The following STARD13 variants were observed in gnomAD, a reference collection of about 807,000 sequenced individuals.
The protein encoded by STARD13 is stAR-related lipid transfer protein 13.
A neutral mutation model predicts 106.4 loss-of-function variants in STARD13; 62 were observed. The observed-to-expected ratio is 0.58, with a 90% confidence interval of 0.48 to 0.72. The LOEUF is 0.72. Among genes scored for constraint, STARD13 ranks in the 30% least tolerant of loss-of-function variants. The pLI, the probability that STARD13 is intolerant of heterozygous loss-of-function variation, is 0.00. For missense variants in STARD13, 1,387 were observed against 1,424.0 expected (o/e 0.97, Z 0.42); for synonymous variants, 565 against 553.0 (o/e 1.02, Z -0.31).
chr13:33,542,040 C>T, the STARD13 span, among the ~76,000 whole-genome samples: 10 of 143,078 alleles, frequency 7.0e-5, no homozygotes, highest in African/African-American at 5.6e-5. Context: ...AACTGTGTAT[C>T]GACAAAAATT....
At chr13:33,290,321 T>C (rs1003113755), upstream of STARD13, among the ~76,000 whole-genome samples, 2 of 152,336 alleles carry the variant, frequency 1.3e-5, no homozygotes, top group African/African-American at 4.8e-5. Context: ...CTTTCGAAAT[T>C]ACATGAACCC....
At chr13:33,288,385 C>T (rs1012816837), upstream of STARD13, among the ~76,000 whole-genome samples, 1 of 151,942 alleles carries the variant, frequency 6.6e-6, no homozygotes, top group East Asian at 1.9e-4. Flanking sequence ...ATTCTCTTGC[C>T]TCAGCCTCCC....
At chr13:33,416,857 G>A in the STARD13 span, among the ~76,000 whole-genome samples, 1 of 152,090 alleles carries the variant, frequency 6.6e-6, no homozygotes. Flanking sequence ...TGGAATTTAT[G>A]AACAGTTAAA....
the STARD13 span, among the ~76,000 whole-genome samples, chr13:33,478,037 C>T: frequency 2.6e-5 from 4 of 152,206 alleles, no homozygotes; most frequent in Admixed American, 6.5e-5. Flanking sequence ...GTTTTCCTAA[C>T]TGACCACCTG....
At chr13:33,345,410 C>T (rs2078007078), downstream of STARD13, among the ~76,000 whole-genome samples, 1 of 152,164 alleles carries the variant, frequency 6.6e-6, no homozygotes, top group Admixed American at 6.5e-5. Context: ...GTCCACAGGT[C>T]TCCACAAAGT....
the STARD13 span, among the ~76,000 whole-genome samples, chr13:33,673,251 A>G: frequency 6.6e-6 from 1 of 152,156 alleles, no homozygotes; most frequent in Non-Finnish European, 1.5e-5. Context: ...AGGTTTCCCA[A>G]TATTATTTCC....
chr13:33,163,187 G>T (rs1414109232), intron 3 of STARD13, among the ~76,000 whole-genome samples: 2 of 152,124 alleles, frequency 1.3e-5, no homozygotes, highest in Non-Finnish European at 2.9e-5. Flanking sequence ...CCGCCCTCAT[G>T]ATTCAAATTA....
chr13:33,167,881 T>C (rs2296390), intron 1 of STARD13, among the ~76,000 whole-genome samples: 25,288 of 151,934 alleles, frequency 0.17, 2,828 homozygotes, highest in East Asian at 0.31. Flanking sequence ...CCACAGATCA[T>C]AGAAGACAAA....
the STARD13 span, among the ~76,000 whole-genome samples, chr13:33,666,357 G>A: frequency 2.0e-5 from 3 of 152,098 alleles, no homozygotes; most frequent in Admixed American, 6.5e-5. Context: ...GCGGTGGCAC[G>A]ATCTCGGCTC....
chr13:33,142,406 C>T (rs980242760), intron 3 of STARD13, 33 bp from the exon 4 acceptor site: 18 of 1,566,306 alleles, frequency 1.1e-5, no homozygotes, highest in Non-Finnish European at 1.6e-5. Flanking sequence ...TGATTACTTT[C>T]ACTAATGAAT....
At chr13:33,514,938 G>A in the STARD13 span, among the ~76,000 whole-genome samples, 1 of 152,082 alleles carries the variant, frequency 6.6e-6, no homozygotes, top group Non-Finnish European at 1.5e-5. Flanking sequence ...TAGATGGAGT[G>A]TGAATAAATG....
chr13:33,675,840 A>T, the STARD13 span, among the ~76,000 whole-genome samples: 2 of 152,180 alleles, frequency 1.3e-5, no homozygotes, highest in South Asian at 4.1e-4. Flanking sequence ...TGAGAGAGAA[A>T]TATTATACAG....
At chr13:33,512,174 G>A in the STARD13 span, among the ~76,000 whole-genome samples, 8 of 152,258 alleles carry the variant, frequency 5.3e-5, no homozygotes, top group South Asian at 1.2e-3. Flanking sequence ...ACAAAATCTT[G>A]TAAATAAAGG....
intron 1 of STARD13, among the ~76,000 whole-genome samples, chr13:33,324,122 T>G (rs1036031234): frequency 2.0e-5 from 3 of 152,234 alleles, no homozygotes; most frequent in African/African-American, 7.2e-5. Flanking sequence ...ACATATAAAT[T>G]TAGCACTCTA....
At chr13:33,234,031 G>A (rs1889063846) in intron 1 of STARD13, among the ~76,000 whole-genome samples, 1 of 152,230 alleles carries the variant, frequency 6.6e-6, no homozygotes, top group Non-Finnish European at 1.5e-5. Context: ...CACTGTCCCA[G>A]GCACTGTGGA....
chr13:33,286,615 AG>A (rs1166547696), upstream of STARD13, among the ~76,000 whole-genome samples: 1 of 152,224 alleles, frequency 6.6e-6, no homozygotes, highest in Non-Finnish European at 1.5e-5. Context: ...TGTCTCAAAA[AG>A]GACGCAAACA....
chr13:33,338,498 T>C (rs892065782), intron 1 of STARD13, among the ~76,000 whole-genome samples: 25 of 152,120 alleles, frequency 1.6e-4, no homozygotes, highest in Non-Finnish European at 7.3e-5. Context: ...GTTAGTATAA[T>C]GAAAGATTCA....
At chr13:33,190,588 C>CT (rs71196510) in intron 1 of STARD13, among the ~76,000 whole-genome samples, 2,712 of 131,156 alleles carry the variant, frequency 0.021, 30 homozygotes, top group African/African-American at 0.027. Context: ...CTTTTCTTTT[C>CT]TTTTTTTTTT....
chr13:33,468,024 T>C, the STARD13 span, among the ~76,000 whole-genome samples: 1 of 152,174 alleles, frequency 6.6e-6, no homozygotes. Context: ...TTTTAGCAAT[T>C]GCATTTAGTC....
Sources: allele counts gnomAD v4.1 joint callset (sites outside exome capture counted in the v4.1 genomes callset), GRCh38; gene constraint gnomAD v4.1.1; transcripts MANE v1.5; gene names NCBI Gene and HGNC (gene_info 2026-07-23, HGNC 2026-07-21).